TMEM117: variants seen among roughly 807,000 people sequenced by gnomAD.
TMEM117 encodes the protein transmembrane protein 117.
A neutral mutation model predicts 52.4 loss-of-function variants in TMEM117; 27 were observed. The ratio of observed to expected loss-of-function variants is 0.51; its 90% CI spans 0.38 to 0.71. The LOEUF (loss-of-function observed/expected upper bound fraction) is 0.71. TMEM117 is among the 30% of genes least tolerant of loss of function. The pLI is 0.00. For missense variants in TMEM117, 556 were observed against 630.5 expected (o/e 0.88, Z 1.26); for synonymous variants, 215 against 206.3 (o/e 1.04, Z -0.36).
chr12:43,856,905 A>T (rs1267925725), intron 2 of TMEM117, among the ~76,000 whole-genome samples: 2 of 152,208 alleles, frequency 1.3e-5, no homozygotes, highest in South Asian at 4.1e-4. Flanking sequence ...GTTTTAAAAA[A>T]TTCCCAGGAA....
chr12:44,072,740 G>A (rs1947321337), intron 3 of TMEM117, among the ~76,000 whole-genome samples: 1 of 152,162 alleles, frequency 6.6e-6, no homozygotes, highest in South Asian at 2.1e-4. Context: ...CTGTTTGTTA[G>A]ATATGTGTCA....
At chr12:43,943,472 G>C (rs1308199426) in intron 2 of TMEM117, among the ~76,000 whole-genome samples, 1 of 152,028 alleles carries the variant, frequency 6.6e-6, no homozygotes, top group Admixed American at 6.5e-5. Context: ...TTACTTTAGT[G>C]TTCATCTTAA....
chr12:44,316,791 A>G (rs1046342201), intron 6 of TMEM117, among the ~76,000 whole-genome samples: 1 of 151,326 alleles, frequency 6.6e-6, no homozygotes, highest in African/African-American at 2.4e-5. Flanking sequence ...TTTTTTCTTT[A>G]TTTTAGTCTG....
chr12:44,147,420 C>G (rs1948658754), intron 4 of TMEM117, among the ~76,000 whole-genome samples: 1 of 152,130 alleles, frequency 6.6e-6, no homozygotes. Flanking sequence ...CATGATGGCA[C>G]TTGCTTCTGC....
At chr12:44,279,083 G>T (rs966701495) in intron 5 of TMEM117, among the ~76,000 whole-genome samples, 6 of 152,058 alleles carry the variant, frequency 3.9e-5, no homozygotes, top group Non-Finnish European at 7.4e-5. Flanking sequence ...ATAATTTTGT[G>T]CCTATATATA....
At chr12:44,384,471 C>G (rs1327926788) in intron 7 of TMEM117, among the ~76,000 whole-genome samples, 2 of 152,018 alleles carry the variant, frequency 1.3e-5, no homozygotes, top group African/African-American at 4.8e-5. Flanking sequence ...ACACGATCCC[C>G]TGTTTTTTAG....
chr12:44,279,515 CTTTT>C (rs769225066), intron 5 of TMEM117, among the ~76,000 whole-genome samples: 1 of 137,252 alleles, frequency 7.3e-6, no homozygotes, highest in Non-Finnish European at 1.6e-5. Context: ...TTCTTTTCTT[CTTTT>C]TTTTTTTTTT....
intron 6 of TMEM117, among the ~76,000 whole-genome samples, chr12:44,356,580 A>T (rs1951652090): frequency 6.6e-6 from 1 of 152,028 alleles, no homozygotes; most frequent in Non-Finnish European, 1.5e-5. Context: ...TGAAGATGTT[A>T]TTACCTTATA....
At chr12:44,325,387 T>G (rs967545293) in intron 6 of TMEM117, among the ~76,000 whole-genome samples, 2 of 152,184 alleles carry the variant, frequency 1.3e-5, no homozygotes, top group Non-Finnish European at 2.9e-5. Flanking sequence ...GTTTTGCTGC[T>G]GAATGAATGA....
At chr12:44,357,100 G>A (rs903591488) in intron 6 of TMEM117, among the ~76,000 whole-genome samples, 1 of 152,102 alleles carries the variant, frequency 6.6e-6, no homozygotes, top group Admixed American at 6.6e-5. Context: ...TTGTTCGTAT[G>A]CAGAATTCTT....
At chr12:44,083,670 C>T (rs564926049) in intron 3 of TMEM117, 1 of 152,070 alleles carries the variant, frequency 6.6e-6, no homozygotes, top group South Asian at 2.1e-4. Context: ...TCCTAAAGCC[C>T]TGGGATTACA....
At position 44,376,621 on chromosome 12, in the gene TMEM117, A is replaced by G; in HGVS notation, c.795A>G (p.Gly265=). Residue 265 remains glycine (G), a synonymous_variant, in exon 7 of 8, where the codon GGA becomes GGG. Coordinates refer to ENST00000266534, the MANE Select transcript of TMEM117 (RefSeq NM_032256.3). ...MQDWEFPHFM[G]DVDVNLPGLH... Reference sequence around the variant, plus strand: ...ACTGGGAATTCCCACATTTCATGGGAGATGTTGATGTAAATCTCCCTGGTT... The same window carrying G: ...ACTGGGAATTCCCACATTTCATGGGGGATGTTGATGTAAATCTCCCTGGTT... 1 of 1,608,176 alleles carries G rather than the reference A, an allele frequency of 6.2e-7. No individual in the cohort carries two copies. The highest frequency in any genetic ancestry group is 1.1e-5 in the South Asian group (1 of 89,354).
At chr12:44,129,524 C>T (rs1029234759) in intron 3 of TMEM117, among the ~76,000 whole-genome samples, 6 of 152,114 alleles carry the variant, frequency 3.9e-5, no homozygotes, top group African/African-American at 1.4e-4. Flanking sequence ...AGAGAACTAC[C>T]GGGAAATTAC....
chr12:44,226,472 C>A lies in TMEM117; in HGVS notation c.608+15085C>A, dbSNP rs531590598. ...TAGGGAGAGTTTACCTCATTTATAT[C>A]CCAATAAACTATAAATATAAATATA... On this transcript the variant is annotated intron_variant, in intron 5 of 7. Transcript: ENST00000266534. Among the ~76,000 whole-genome samples, 8 of 150,428 alleles carry A rather than the reference C, an allele frequency of 5.3e-5. No homozygotes were observed. In the South Asian group the frequency reaches 1.7e-3, roughly 32 times the overall value.
chr12:43,957,678 C>T (rs1379976844), intron 3 of TMEM117, among the ~76,000 whole-genome samples: 3 of 152,204 alleles, frequency 2.0e-5, no homozygotes, highest in Non-Finnish European at 4.4e-5. Flanking sequence ...AAAGGTCACC[C>T]AGGGCTGGGA....
At chr12:44,171,596 G>A (rs552939346) in intron 4 of TMEM117, among the ~76,000 whole-genome samples, 5 of 152,016 alleles carry the variant, frequency 3.3e-5, no homozygotes, top group African/African-American at 1.2e-4. Context: ...ATTCCTGAAA[G>A]ATTTCTCCCA....
intron 3 of TMEM117, among the ~76,000 whole-genome samples, chr12:44,018,194 ACT>A (rs1254911018): frequency 1.3e-5 from 2 of 152,150 alleles, no homozygotes; most frequent in Non-Finnish European, 2.9e-5. Context: ...AATTGAACTA[ACT>A]CTAGTTAGTC....
chr12:44,012,365 C>T (rs558281225), intron 3 of TMEM117, among the ~76,000 whole-genome samples: 5 of 149,556 alleles, frequency 3.3e-5, no homozygotes, highest in Admixed American at 3.3e-4. Context: ...AATTCTCAGT[C>T]ATTGTTGCTT....
At chr12:44,328,445 C>T (rs757900261) in intron 6 of TMEM117, among the ~76,000 whole-genome samples, 4 of 152,070 alleles carry the variant, frequency 2.6e-5, no homozygotes, top group Non-Finnish European at 5.9e-5. Flanking sequence ...AGAAACAGTG[C>T]ATTTTATTCT....
Sources: allele counts gnomAD v4.1 joint callset (sites outside exome capture counted in the v4.1 genomes callset), GRCh38; gene constraint gnomAD v4.1.1; transcripts MANE v1.5; gene names NCBI Gene and HGNC (gene_info 2026-07-23, HGNC 2026-07-21).